CNTNAP2: variants seen among roughly 807,000 people sequenced by gnomAD.
CNTNAP2 encodes contactin-associated protein-like 2.
A neutral mutation model predicts 155.2 loss-of-function variants in CNTNAP2; 98 were observed. The observed-to-expected ratio is 0.63, with a 90% confidence interval of 0.54 to 0.75. The LOEUF is 0.75. Among genes scored for constraint, CNTNAP2 ranks in the 30% least tolerant of loss-of-function variants. CNTNAP2 has a pLI of 0.00. For synonymous variants in CNTNAP2, 651 were observed against 631.2 expected (o/e 1.03, Z -0.47); for missense variants, 1,727 against 1,688.1 (o/e 1.02, Z -0.40).
At chr7:147,729,285 G>A (rs894616486) in intron 13 of CNTNAP2, among the ~76,000 whole-genome samples, 10 of 151,780 alleles carry the variant, frequency 6.6e-5, no homozygotes. Context: ...CACCTCAGGT[G>A]TCCAGACATT....
intron 21 of CNTNAP2, among the ~76,000 whole-genome samples, chr7:148,322,765 T>G (rs1427475735): frequency 1.2e-5 from 1 of 85,310 alleles, no homozygotes; most frequent in African/African-American, 4.1e-5. Context: ...AAATAAGTAG[T>G]TTTGTTTTGT....
chr7:148,005,578 C>T (rs1267557343), intron 15 of CNTNAP2, among the ~76,000 whole-genome samples: 1 of 152,038 alleles, frequency 6.6e-6, no homozygotes, highest in Non-Finnish European at 1.5e-5. Context: ...TGGAGAAGGG[C>T]ACTTGAATGC....
chr7:147,439,912 T>C (rs1797609342), intron 10 of CNTNAP2, among the ~76,000 whole-genome samples: 2 of 152,180 alleles, frequency 1.3e-5, no homozygotes, highest in South Asian at 4.1e-4. Context: ...TTTGTTTTGG[T>C]TTCCAGTGGC....
At chr7:147,355,827 C>A (rs144558226) in intron 9 of CNTNAP2, among the ~76,000 whole-genome samples, 1 of 152,030 alleles carries the variant, frequency 6.6e-6, no homozygotes, top group Non-Finnish European at 1.5e-5. Flanking sequence ...AAGGACCACA[C>A]GAATTCACAA....
chr7:146,483,693 A>C (rs149562723), intron 1 of CNTNAP2, among the ~76,000 whole-genome samples: 3 of 151,964 alleles, frequency 2.0e-5, no homozygotes, highest in African/African-American at 7.2e-5. Context: ...GTTAAAAGTT[A>C]AAAAAGAAAA....
At chr7:146,674,106 G>C (rs1383823141) in intron 1 of CNTNAP2, among the ~76,000 whole-genome samples, 1 of 152,152 alleles carries the variant, frequency 6.6e-6, no homozygotes, top group African/African-American at 2.4e-5. Context: ...AAGACTGACT[G>C]AATGAATGCA....
At chr7:146,151,668 A>ATG (rs61501203) in intron 1 of CNTNAP2, among the ~76,000 whole-genome samples, 64 of 47,638 alleles carry the variant, frequency 1.3e-3, no homozygotes, top group African/African-American at 4.8e-3. Flanking sequence ...ATATATATAT[A>ATG]TATATATATA....
rs562788102 is a variant in CNTNAP2, at chr7:148,270,607, A to G, written c.3475+3481A>G. On this transcript the variant is annotated intron_variant, in intron 21 of 23. Transcript: ENST00000361727. The stretch of plus-strand genomic sequence containing the variant: ...TGAATTAATAAAGAGTAAAAGGGGA[A>G]GGAAACAGAAAGATATCATTGTAGA... 4.6e-5 allele frequency among the ~76,000 whole-genome samples: 7 copies of G among 152,374 alleles called. No homozygotes were observed. In the South Asian group the frequency reaches 1.4e-3, roughly 32 times the overall value.
intron 1 of CNTNAP2, among the ~76,000 whole-genome samples, chr7:146,127,891 T>C (rs1234229747): frequency 6.6e-6 from 1 of 152,332 alleles, no homozygotes; most frequent in East Asian, 1.9e-4. Flanking sequence ...GAAGTTGTTA[T>C]GAAATGTCAA....
intron 1 of CNTNAP2, among the ~76,000 whole-genome samples, chr7:146,301,454 C>G (rs1345232053): frequency 6.6e-6 from 1 of 151,258 alleles, no homozygotes; most frequent in African/African-American, 2.5e-5. Flanking sequence ...GAAACCCCAT[C>G]TCTACTAAAA....
At chr7:146,790,860 C>T (rs959856894) in intron 2 of CNTNAP2, among the ~76,000 whole-genome samples, 16 of 151,980 alleles carry the variant, frequency 1.1e-4, no homozygotes, top group Non-Finnish European at 1.9e-4. Context: ...TGAGCCACCA[C>T]GCCTGGCCGA....
At chr7:148,174,238 C>G (rs1045423412) in intron 18 of CNTNAP2, among the ~76,000 whole-genome samples, 1 of 152,208 alleles carries the variant, frequency 6.6e-6, no homozygotes, top group Non-Finnish European at 1.5e-5. Flanking sequence ...TCAAGTACCT[C>G]CTTGACTTGG....
chr7:148,227,586 G>A (rs1466082646), intron 19 of CNTNAP2, among the ~76,000 whole-genome samples: 1 of 152,146 alleles, frequency 6.6e-6, no homozygotes, highest in Admixed American at 6.6e-5. Context: ...TTCACACAAG[G>A]ACACTGTGGG....
intron 1 of CNTNAP2, among the ~76,000 whole-genome samples, chr7:146,152,198 A>C (rs1368638912): frequency 1.3e-5 from 2 of 152,058 alleles, no homozygotes; most frequent in Admixed American, 1.3e-4. Context: ...AAATAATGAA[A>C]TCCTGTCATT....
intron 1 of CNTNAP2, among the ~76,000 whole-genome samples, chr7:146,744,873 G>T (rs1398478079): frequency 6.6e-6 from 1 of 152,102 alleles, no homozygotes; most frequent in Non-Finnish European, 1.5e-5. Flanking sequence ...TCTACCTTCA[G>T]ATTTGAGTGA....
chr7:146,352,773 G>GTTTTTTTTTT (rs1794937530), intron 1 of CNTNAP2, among the ~76,000 whole-genome samples: 1 of 20,662 alleles, frequency 4.8e-5, no homozygotes, highest in African/African-American at 7.2e-4. Context: ...TTTTTTTTTC[G>GTTTTTTTTTT]AGACAGAGTC....
intron 8 of CNTNAP2, among the ~76,000 whole-genome samples, chr7:147,238,898 T>C (rs1382995003): frequency 6.6e-6 from 1 of 152,234 alleles, no homozygotes; most frequent in African/African-American, 2.4e-5. Flanking sequence ...CAAAGGTTTG[T>C]TCTTATTTCT....
chr7:147,413,128 G>A (rs553598546), intron 10 of CNTNAP2, among the ~76,000 whole-genome samples: 1 of 152,302 alleles, frequency 6.6e-6, no homozygotes, highest in South Asian at 2.1e-4. Context: ...TCGGAAAAGA[G>A]TTTACTGGAA....
intron 13 of CNTNAP2, among the ~76,000 whole-genome samples, chr7:147,802,641 C>T (rs1014689931): frequency 5.3e-5 from 8 of 151,694 alleles, no homozygotes; most frequent in Non-Finnish European, 4.4e-5. Flanking sequence ...TCAGGCGTGG[C>T]GGCGCGCACC....
Sources: gnomAD v4.1 joint callset for allele counts (sites outside exome capture counted in the v4.1 genomes callset) on GRCh38, gnomAD v4.1.1 for gene constraint, MANE v1.5 for transcripts, NCBI Gene and HGNC (gene_info 2026-07-23, HGNC 2026-07-21) for gene names.